The following IQCM variants were observed in gnomAD, a reference collection of about 807,000 sequenced individuals.
IQCM encodes IQ motif containing M.
IQCM carries 45 observed loss-of-function variants against 57.6 expected under a neutral mutation model. That is an observed-to-expected ratio of 0.78 (90% CI 0.62 to 1.00). The LOEUF is 1.00. Among genes scored for constraint, IQCM ranks in the 50% least tolerant of loss-of-function variants. IQCM has a pLI of 0.00. For missense variants in IQCM, 468 were observed against 511.6 expected (o/e 0.91, Z 0.82); for synonymous variants, 148 against 158.9 (o/e 0.93, Z 0.51).
intron 2 of IQCM, among the ~76,000 whole-genome samples, chr4:149,806,815 C>A (rs753685131): frequency 6.6e-6 from 1 of 151,736 alleles, no homozygotes; most frequent in South Asian, 2.1e-4. Context: ...ATAAACAAAT[C>A]AAACTATGAG....
chr4:149,733,147 GAATTATTT>G (rs1766617828), intron 5 of IQCM, 89 bp downstream of exon 5: 2 of 1,053,112 alleles, frequency 1.9e-6, no homozygotes, highest in Non-Finnish European at 2.4e-6. Flanking sequence ...AAAGTTCAGG[GAATTATTT>G]GAAAAAGAAA....
chr4:149,707,603 A>G (rs1052106714), intron 5 of IQCM, among the ~76,000 whole-genome samples: 1 of 152,016 alleles, frequency 6.6e-6, no homozygotes, highest in African/African-American at 2.4e-5. Context: ...CACATCTCTC[A>G]ACTCTAACAC....
chr4:149,407,270 T>G (rs774165933), intron 13 of IQCM, among the ~76,000 whole-genome samples: 5 of 152,158 alleles, frequency 3.3e-5, no homozygotes, highest in Non-Finnish European at 5.9e-5. Flanking sequence ...TAATTTTCAA[T>G]TTAATTATTC....
Position 149,547,052 on chromosome 4 carries a change from A to G in IQCM, c.1228+1403T>C, listed in dbSNP as rs556618962. On this transcript the variant is annotated intron_variant, in intron 12 of 13. Coordinates refer to ENST00000636793, the MANE Select transcript of IQCM (RefSeq NM_001363507.2). ...CTTTCTACATATGGCTAGCCAGTTT[A>G]CCCAGCACCATTTATTAAATAGGGA... Among the ~76,000 whole-genome samples, 70 of 150,884 alleles carry G rather than the reference A, an allele frequency of 4.6e-4. No individual in the cohort carries two copies. In the South Asian group the frequency reaches 0.015, roughly 32 times the overall value.
intron 12 of IQCM, among the ~76,000 whole-genome samples, chr4:149,515,494 A>G (rs1463540606): frequency 1.3e-5 from 2 of 152,178 alleles, no homozygotes; most frequent in East Asian, 1.9e-4. Flanking sequence ...GCCTGCACCA[A>G]TGCTCTCATG....
At chr4:149,574,626 G>T (rs574022219) in intron 9 of IQCM, among the ~76,000 whole-genome samples, 10 of 152,012 alleles carry the variant, frequency 6.6e-5, no homozygotes, top group African/African-American at 2.4e-4. Context: ...AATCATGTCC[G>T]AACATTACAC....
At chr4:149,631,453 T>C (rs747275044) in intron 7 of IQCM, among the ~76,000 whole-genome samples, 5 of 152,174 alleles carry the variant, frequency 3.3e-5, no homozygotes, top group Non-Finnish European at 7.3e-5. Flanking sequence ...ATAATATAAA[T>C]GTCCAGAAAT....
At chr4:149,437,793 G>C (rs1275974655) in intron 12 of IQCM, among the ~76,000 whole-genome samples, 1 of 152,102 alleles carries the variant, frequency 6.6e-6, no homozygotes, top group Non-Finnish European at 1.5e-5. Context: ...TGTCGCAACT[G>C]TTCCTCCTTT....
At chr4:149,516,161 G>A (rs1413337951) in intron 12 of IQCM, among the ~76,000 whole-genome samples, 3 of 152,274 alleles carry the variant, frequency 2.0e-5, no homozygotes, top group African/African-American at 7.2e-5. Context: ...CTGAGTCCTC[G>A]ATATGGCACC....
chr4:149,587,340 G>C (rs1052273147), intron 9 of IQCM, among the ~76,000 whole-genome samples: 1 of 151,660 alleles, frequency 6.6e-6, no homozygotes, highest in Non-Finnish European at 1.5e-5. Flanking sequence ...ATAAATGAAT[G>C]TATTCCCAGT....
intron 12 of IQCM, among the ~76,000 whole-genome samples, chr4:149,466,219 C>A (rs1738845623): frequency 6.6e-6 from 1 of 152,208 alleles, no homozygotes; most frequent in East Asian, 1.9e-4. Flanking sequence ...CCTCTTCCAA[C>A]TAGGCTGTAA....
chr4:149,770,918 G>GA (rs1359447054), intron 2 of IQCM, among the ~76,000 whole-genome samples: 1 of 152,006 alleles, frequency 6.6e-6, no homozygotes, highest in Non-Finnish European at 1.5e-5. Context: ...GTATTGTACA[G>GA]AAGGTTCTAA....
intron 13 of IQCM, among the ~76,000 whole-genome samples, chr4:149,400,050 A>T (rs1462644912): frequency 6.6e-6 from 1 of 151,992 alleles, no homozygotes; most frequent in African/African-American, 2.4e-5. Context: ...CATTATCAAT[A>T]CTTTTGTTGC....
intron 13 of IQCM, among the ~76,000 whole-genome samples, chr4:149,399,429 G>A (rs1050020959): frequency 2.0e-5 from 3 of 151,948 alleles, no homozygotes; most frequent in African/African-American, 7.2e-5. Context: ...AGGAAGGGAG[G>A]TTGGGAGGAA....
intron 7 of IQCM, among the ~76,000 whole-genome samples, chr4:149,663,954 T>G (rs570780283): frequency 1.3e-4 from 20 of 152,272 alleles, no homozygotes; most frequent in Non-Finnish European, 2.4e-4. Flanking sequence ...ATCCCTATAA[T>G]GCAAATATTA....
intron 7 of IQCM, among the ~76,000 whole-genome samples, chr4:149,662,717 G>A (rs115198600): frequency 0.021 from 3,243 of 151,612 alleles, 122 homozygotes; most frequent in African/African-American, 0.074. Context: ...CATAAGCATG[G>A]CTACTCCTGC....
chr4:149,393,438 C>A (rs771655737), intron 13 of IQCM, among the ~76,000 whole-genome samples: 9 of 150,876 alleles, frequency 6.0e-5, no homozygotes, highest in Non-Finnish European at 1.3e-4. Flanking sequence ...ATAAACCTAA[C>A]GGAAGCATTT....
At chr4:149,644,591 T>C (rs1208063372) in intron 7 of IQCM, among the ~76,000 whole-genome samples, 1 of 152,180 alleles carries the variant, frequency 6.6e-6, no homozygotes, top group African/African-American at 2.4e-5. Context: ...TTGGTGACAT[T>C]TGAATTGTTA....
intron 12 of IQCM, among the ~76,000 whole-genome samples, chr4:149,535,763 T>C (rs1329694393): frequency 1.3e-5 from 2 of 151,936 alleles, no homozygotes; most frequent in African/African-American, 4.8e-5. Flanking sequence ...GTTTAAAAAA[T>C]ACAGAATGGC....
Sources: allele counts gnomAD v4.1 joint callset (sites outside exome capture counted in the v4.1 genomes callset), GRCh38; gene constraint gnomAD v4.1.1; transcripts MANE v1.5; gene names NCBI Gene and HGNC (gene_info 2026-07-23, HGNC 2026-07-21).